TAF4: variants seen among roughly 807,000 people sequenced by gnomAD.
TAF4 encodes the protein transcription initiation factor TFIID subunit 4.
In TAF4, 9 loss-of-function variants were observed where a neutral mutation model predicts 90.3. The ratio of observed to expected loss-of-function variants is 0.10; its 90% CI spans 0.06 to 0.17. TAF4 has a LOEUF of 0.17. TAF4 is among the 10% of genes least tolerant of loss of function. TAF4 has a pLI of 1.00. For missense variants in TAF4, 1,351 were observed against 1,370.7 expected, an observed-to-expected ratio of 0.99 and a Z score of 0.23; for synonymous variants, 818 against 638.9, an observed-to-expected ratio of 1.28 and a Z score of -4.23.
At position 61,997,811 on chromosome 20, in the gene TAF4, G is replaced by C. The variant is rs926046866; in HGVS notation, c.2971-142C>G. On this transcript the variant is annotated intron_variant, in intron 13 of 14. Transcript: ENST00000252996. Reference sequence around the variant, plus strand: ...AATGTTTTGACTTTCTCAATAGTAAGCATATTCTATAATCCAAAAAATAAG... The same window carrying C: ...AATGTTTTGACTTTCTCAATAGTAACCATATTCTATAATCCAAAAAATAAG... 9.8e-6 allele frequency: 11 copies of C among 1,123,558 alleles called. No homozygotes were observed. In the African/African-American group the frequency reaches 1.4e-4, roughly 15 times the overall value. The allele number at this position is 1,123,558 out of a possible 1,614,324, so 69.6% of individuals were successfully genotyped here.
intron 1 of TAF4, chr20:62,064,224 G>C: frequency 2.3e-6 from 1 of 433,572 alleles, no homozygotes; most frequent in Non-Finnish European, 3.9e-6. Context: ...CAGCGCGGAC[G>C]TCAGGGACAG....
At chr20:62,013,930 T>C (rs1486741460) in intron 2 of TAF4, among the ~76,000 whole-genome samples, 1 of 146,036 alleles carries the variant, frequency 6.8e-6, no homozygotes, top group Non-Finnish European at 1.5e-5. Flanking sequence ...TGTGTGTGTG[T>C]GTGTGTGTGT....
chr20:62,064,055 G>A (rs2056105994), intron 1 of TAF4, among the ~76,000 whole-genome samples: 3 of 152,298 alleles, frequency 2.0e-5, no homozygotes, highest in South Asian at 4.1e-4. Flanking sequence ...CCCAGGTACT[G>A]CCCTCAGCTC....
rs28382018 is a variant in TAF4 at position 62,045,892 on chromosome 20, T to C, written c.1360+18559A>G. On this transcript the variant is annotated intron_variant, in intron 1 of 14. Coordinates refer to ENST00000252996, the MANE Select transcript of TAF4 (RefSeq NM_003185.4). ...TCCTCATTTGTGTCCTCTGCAGGAATAGCAGTAACCTCTTTTTCACAACTA... is the reference window on the plus strand; with the variant it reads ...TCCTCATTTGTGTCCTCTGCAGGAACAGCAGTAACCTCTTTTTCACAACTA... 3.3e-4 allele frequency among the ~76,000 whole-genome samples: 50 copies of C among 152,350 alleles called. No individual in the cohort carries two copies. The East Asian group carries it at 9.1e-3, about 28-fold the overall frequency.
At chr20:62,063,329 G>A (rs2056100452) in intron 1 of TAF4, among the ~76,000 whole-genome samples, 1 of 152,230 alleles carries the variant, frequency 6.6e-6, no homozygotes, top group East Asian at 1.9e-4. Flanking sequence ...GGACGCAGGA[G>A]GGACCCACGC....
chr20:62,003,347 G>A, intron 8 of TAF4, 73 bp from the exon 9 acceptor site: 5 of 1,231,640 alleles, frequency 4.1e-6, no homozygotes, highest in Non-Finnish European at 6.0e-6. Flanking sequence ...GTGCTTTACA[G>A]GCTCAAGGGC....
intron 3 of TAF4, among the ~76,000 whole-genome samples, chr20:62,011,659 G>C (rs368999564): frequency 1.4e-4 from 21 of 152,256 alleles, no homozygotes; most frequent in African/African-American, 5.1e-4. Context: ...GAAGAGCCGG[G>C]GTTGCGGGGG....
At chr20:62,048,653 G>A (rs1051227187) in intron 1 of TAF4, among the ~76,000 whole-genome samples, 4 of 149,666 alleles carry the variant, frequency 2.7e-5, no homozygotes, top group Non-Finnish European at 5.9e-5. Flanking sequence ...TGCCCACCTT[G>A]TGACCAGGCA....
intron 1 of TAF4, among the ~76,000 whole-genome samples, chr20:62,048,837 C>CT: frequency 6.8e-6 from 1 of 146,776 alleles, no homozygotes; most frequent in Non-Finnish European, 1.5e-5. Flanking sequence ...CGTACACCCC[C>CT]ACCCCAGCCC....
Position 61,975,026 on chromosome 20 carries a change from G to A in TAF4, c.*1142C>T, listed in dbSNP as rs1046137. On this transcript the variant is annotated 3_prime_UTR_variant, in exon 15 of 15. Transcript: ENST00000252996. The stretch of plus-strand genomic sequence containing the variant: ...ATACTGATCAGCGTTCAGTTCACAC[G>A]CGCTCGAATTAAAGTCTAATGTGAG... 0.024 allele frequency: 3,626 copies of A among 152,422 alleles called. 45 individuals carry two copies. Among genetic ancestry groups the A allele is most frequent in the Non-Finnish European group, 0.036 (2,417 of 68,018 alleles). 9.4% of individuals were successfully genotyped at this position (152,422 alleles called of 1,614,324 possible).
rs772199333 is a variant in TAF4, at chr20:62,003,876, G to A, written c.2226C>T (p.Val742=). The A allele has an allele frequency of 5.8e-6, 9 of 1,563,114 alleles. No homozygotes were observed. Among genetic ancestry groups the A allele is most frequent in the African/African-American group, 1.4e-5 (1 of 73,170 alleles). The change falls in exon 8 of 15, where the codon GTC becomes GTT. Residue 742 remains valine (V), a splice_region_variant and synonymous_variant. Coordinates refer to ENST00000252996, the MANE Select transcript of TAF4 (RefSeq NM_003185.4). ...VGKQGQPTPL[V]IQQPPKPGAL... is the part of the protein sequence containing the mutation. ...CTCCTGGCTTCGGAGGCTGCTGGAT[G>A]ACCTGAGGCAGAGCCAGCAGAGAAT...
chr20:61,988,849 G>T (rs1008910772), intron 14 of TAF4, among the ~76,000 whole-genome samples: 2 of 152,096 alleles, frequency 1.3e-5, no homozygotes, highest in Non-Finnish European at 2.9e-5. Flanking sequence ...CCCTTCTCAT[G>T]AGTGAGGACG....
At chr20:62,043,141 G>C (rs1460432193) in intron 1 of TAF4, among the ~76,000 whole-genome samples, 1 of 152,074 alleles carries the variant, frequency 6.6e-6, no homozygotes, top group Non-Finnish European at 1.5e-5. Flanking sequence ...GGGCAACACG[G>C]TGAAACCTAC....
In TAF4 at chr20:62,000,240, T is replaced by C; in HGVS notation, c.2671A>G (p.Ile891Val). Residue 891 changes from isoleucine to valine, a missense_variant, in exon 11 of 15, where the codon ATA becomes GTA. Ile to Val is a conservative substitution (Grantham distance 29). Transcript: ENST00000252996. ...ACTACATCTGGATGTAATTCCGTTA[T>C]ACCATGTTTTTTACCTAAAGGTCAG... is the stretch of plus-strand genomic sequence containing the variant. ...RILEIGKKHG[I>V]TELHPDVVSY... 1.9e-6 allele frequency: 3 copies of C among 1,613,810 alleles called. No individual in the cohort carries two copies. The highest frequency in any genetic ancestry group is 1.1e-5 in the South Asian group (1 of 91,022).
At position 62,065,086 on chromosome 20, in the gene TAF4, G is replaced by A. The variant is rs761779016; in HGVS notation, c.725C>T (p.Pro242Leu). Residue 242 changes from proline to leucine, a missense_variant, in exon 1 of 15, where the codon CCC becomes CTC. Around this residue, in one of 9 missense-constraint regions of TAF4, gnomAD observed 782 missense variants for 536.6 expected, o/e 1.46. Coordinates refer to ENST00000252996, the MANE Select transcript of TAF4 (RefSeq NM_003185.4). Reference protein sequence around the residue: ...AAPGTVIQTPPFVGAAAPPAP... With the variant: ...AAPGTVIQTPLFVGAAAPPAP... ...GGGGGGCGCGGCGGCGCCCACGAAG[G>A]GGGGCGTCTGGATGACAGTGCCGGG... 26 of 997,192 alleles carry A rather than the reference G, an allele frequency of 2.6e-5. No homozygotes were observed. Among genetic ancestry groups the A allele is most frequent in the Admixed American group, 5.9e-5 (1 of 16,880 alleles). 61.8% of individuals were successfully genotyped at this position (997,192 alleles called of 1,614,324 possible).
At chr20:62,039,503 T>C (rs964800374) in intron 1 of TAF4, among the ~76,000 whole-genome samples, 8 of 152,214 alleles carry the variant, frequency 5.3e-5, no homozygotes, top group African/African-American at 1.4e-4. Flanking sequence ...TACCTTGGGT[T>C]AGGCAAAAAT....
chr20:62,052,450 C>A (rs1314404628), intron 1 of TAF4, among the ~76,000 whole-genome samples: 2 of 152,056 alleles, frequency 1.3e-5, no homozygotes, highest in African/African-American at 4.8e-5. Flanking sequence ...CATCTGGAAC[C>A]AGCCGCCTCC....
intron 1 of TAF4, among the ~76,000 whole-genome samples, chr20:62,029,484 G>GCA (rs534147759): frequency 0.047 from 6,642 of 142,148 alleles, 260 homozygotes; most frequent in African/African-American, 0.12. Flanking sequence ...GTGCGCGCGC[G>GCA]CGCACACACA....
rs1490513818 is a variant in TAF4, at chr20:62,065,327, CGGCGGGCTTGGCGGGGCCGGCGGG to C, written c.460_483del (p.Pro154_Ala161del). 3.7e-4 allele frequency: 351 copies of C among 939,568 alleles called. No individual in the cohort carries two copies. Among genetic ancestry groups the C allele is most frequent in the Middle Eastern group, 2.3e-3 (4 of 1,742 alleles). 58.2% of individuals were successfully genotyped at this position (939,568 alleles called of 1,614,324 possible). On this transcript the variant is annotated inframe_deletion, in exon 1 of 15. Transcript: ENST00000252996. ...GCGCGGGCGGCCAGCGCGGCGGGGCCGGCGGGCTTGGCGGGGCCGGCGGGGGCGGGCTCGGGCCCCGCGGCGACG... is the reference window on the plus strand; with the variant it reads ...GCGCGGGCGGCCAGCGCGGCGGGGCCGGCGGGCTCGGGCCCCGCGGCGACG...
Sources: allele counts gnomAD v4.1 joint callset (sites outside exome capture counted in the v4.1 genomes callset), GRCh38; gene constraint gnomAD v4.1.1; regional missense constraint gnomAD v4.1.1; transcripts MANE v1.5; gene names NCBI Gene and HGNC (gene_info 2026-07-23, HGNC 2026-07-21).